The following CANX variants were observed in gnomAD, a reference collection of about 807,000 sequenced individuals.
The protein encoded by CANX is calnexin.
In CANX, 14 loss-of-function variants were observed where a neutral mutation model predicts 75.7. The ratio of observed to expected loss-of-function variants is 0.19; its 90% CI spans 0.12 to 0.29. CANX has a LOEUF of 0.29. CANX is among the 10% of genes least tolerant of loss of function. CANX has a pLI of 1.00. For synonymous variants in CANX, 227 were observed against 236.9 expected (o/e 0.96, Z 0.38); for missense variants, 567 against 713.2 (o/e 0.79, Z 2.34).
intron 12 of CANX, 40 bp downstream of exon 12, chr5:179,723,819 C>G (rs755806280): frequency 5.2e-6 from 8 of 1,540,774 alleles, no homozygotes; most frequent in Non-Finnish European, 7.1e-6. Flanking sequence ...TTAGAGACAT[C>G]ACTCTAGTGA....
rs750712444 is a variant in CANX at position 179,716,159 on chromosome 5, G to A, written c.776G>A (p.Ser259Asn). The A allele has an allele frequency of 6.2e-7, 1 of 1,613,256 alleles. No individual in the cohort carries two copies. The highest frequency in any genetic ancestry group is 8.5e-7 in the Non-Finnish European group (1 of 1,179,186). ...EILVDQSVVN[S>N]GNLLNDMTPP... ...CTGGTTGACCAATCTGTGGTGAATA[G>A]TGGAAATCTGCTCAATGACATGACT... The change falls in exon 8 of 15, where the codon AGT becomes AAT. Residue 259 changes from serine (S) to asparagine (N), a missense_variant. Ser to Asn is a conservative substitution (Grantham distance 46, BLOSUM62 1). This residue lies in a region of CANX where 351 missense variants were observed against 433.8 expected (regional missense o/e 0.81). Coordinates refer to ENST00000247461, the MANE Select transcript of CANX (RefSeq NM_001746.4).
intron 6 of CANX, 31 bp from the exon 7 acceptor site, chr5:179,709,842 G>T: frequency 6.9e-7 from 1 of 1,457,368 alleles, no homozygotes; most frequent in South Asian, 1.3e-5. Context: ...TGAGTACAGT[G>T]ACTTCAAATA....
At chr5:179,688,465 G>C (rs190792665) in intron 1 of CANX, among the ~76,000 whole-genome samples, 1 of 147,238 alleles carries the variant, frequency 6.8e-6, no homozygotes, top group South Asian at 2.1e-4. Context: ...CCGGGTTCAC[G>C]CCATTCTTCT....
chr5:179,687,092 T>G (rs1031623515), intron 1 of CANX, among the ~76,000 whole-genome samples: 2 of 151,676 alleles, frequency 1.3e-5, no homozygotes, highest in Non-Finnish European at 2.9e-5. Context: ...TTTTTTTGTT[T>G]GTTTGTTTGT....
At chr5:179,703,998 C>T (rs1464753125) in intron 1 of CANX, among the ~76,000 whole-genome samples, 1 of 152,166 alleles carries the variant, frequency 6.6e-6, no homozygotes, top group East Asian at 1.9e-4. Context: ...AAAAGGACAT[C>T]TTGTGTGTGT....
At chr5:179,687,877 T>C (rs924107842) in intron 1 of CANX, among the ~76,000 whole-genome samples, 5 of 151,272 alleles carry the variant, frequency 3.3e-5, no homozygotes, top group Non-Finnish European at 7.4e-5. Context: ...CTACTAAAAA[T>C]ACAAAAAATT....
chr5:179,727,688 C>T (rs1015133426), intron 14 of CANX, among the ~76,000 whole-genome samples: 1 of 152,136 alleles, frequency 6.6e-6, no homozygotes, highest in African/African-American at 2.4e-5. Flanking sequence ...TGCTGTGTTT[C>T]CTATATACCA....
chr5:179,717,413 T>A (rs1386482957), intron 8 of CANX, among the ~76,000 whole-genome samples: 1 of 152,244 alleles, frequency 6.6e-6, no homozygotes, highest in East Asian at 1.9e-4. Flanking sequence ...ACCTGCTTTC[T>A]GCCTCTCTAC....
At chr5:179,706,162 T>C in intron 2 of CANX, 96 bp from the exon 3 acceptor site, 2 of 723,912 alleles carry the variant, frequency 2.8e-6, no homozygotes, top group South Asian at 3.7e-5. Context: ...ATGAAATTTT[T>C]GTGACAGTTG....
At chr5:179,714,630 G>A (rs1252069970) in intron 7 of CANX, among the ~76,000 whole-genome samples, 4 of 151,804 alleles carry the variant, frequency 2.6e-5, no homozygotes, top group African/African-American at 9.7e-5. Flanking sequence ...CCATTCTCCT[G>A]CCTCAGCCTC....
chr5:179,722,629 G>A (rs928117973), intron 10 of CANX, among the ~76,000 whole-genome samples, 175 bp from the exon 11 acceptor site: 1 of 152,226 alleles, frequency 6.6e-6, no homozygotes, highest in Non-Finnish European at 1.5e-5. Context: ...CTTAGAGGCA[G>A]AGTGCGTAAA....
At chr5:179,702,912 G>A (rs1238776786) in intron 1 of CANX, among the ~76,000 whole-genome samples, 3 of 152,112 alleles carry the variant, frequency 2.0e-5, no homozygotes, top group Non-Finnish European at 4.4e-5. Context: ...TGGGATTACA[G>A]GCATCTGCCA....
Position 179,705,665 on chromosome 5 carries a change from C to G in CANX, c.-3-14C>G, listed in dbSNP as rs771091647. ...GTGGCAATACATTTAACTGATTTTG[C>G]TCTTTATGTGTAGATCATGGAAGGG... On this transcript the variant is annotated splice_polypyrimidine_tract_variant and intron_variant, in intron 1 of 14. Coordinates refer to ENST00000247461, the MANE Select transcript of CANX (RefSeq NM_001746.4). The G allele has an allele frequency of 2.5e-6, 4 of 1,600,510 alleles. No homozygotes were observed. In the Admixed American group the frequency reaches 6.7e-5, roughly 27 times the overall value.
intron 1 of CANX, chr5:179,700,604 A>T: frequency 6.5e-6 from 1 of 152,968 alleles, no homozygotes; most frequent in East Asian, 1.9e-4. Context: ...AAATTTTCTG[A>T]CTTATCTGCA....
At chr5:179,699,370 CTT>C (rs1364428044) in intron 1 of CANX, among the ~76,000 whole-genome samples, 4 of 152,196 alleles carry the variant, frequency 2.6e-5, no homozygotes, top group Admixed American at 6.5e-5. Context: ...GGAAAGCTGA[CTT>C]ATTCCTATGG....
chr5:179,728,284 G>A (rs1390471196), intron 14 of CANX, among the ~76,000 whole-genome samples: 1 of 152,212 alleles, frequency 6.6e-6, no homozygotes, highest in Non-Finnish European at 1.5e-5. Flanking sequence ...CCATAGGCCA[G>A]TAGATTGTTT....
upstream of CANX, chr5:179,698,819 T>C (rs1776514902): frequency 1.6e-5 from 12 of 735,770 alleles, no homozygotes; most frequent in South Asian, 1.4e-4. Context: ...AGGGGGCGTA[T>C]GGGACGGTGC....
At chr5:179,703,673 G>C (rs910947931) in intron 1 of CANX, among the ~76,000 whole-genome samples, 1 of 151,508 alleles carries the variant, frequency 6.6e-6, no homozygotes, top group African/African-American at 2.4e-5. Flanking sequence ...ACAGGGTCAG[G>C]CTATGTTTAT....
chr5:179,687,133 C>T (rs990422285), intron 1 of CANX, among the ~76,000 whole-genome samples: 4 of 151,596 alleles, frequency 2.6e-5, no homozygotes, highest in East Asian at 1.9e-4. Context: ...GCCCGGCTAC[C>T]GCTCTGTCAC....
Sources: allele counts gnomAD v4.1 joint callset (sites outside exome capture counted in the v4.1 genomes callset), GRCh38; gene constraint gnomAD v4.1.1; regional missense constraint gnomAD v4.1.1; transcripts MANE v1.5; gene names NCBI Gene and HGNC (gene_info 2026-07-23, HGNC 2026-07-21).